Variants in XIRP2 observed in about 807,000 individuals in gnomAD.
XIRP2 encodes xin actin-binding repeat-containing protein 2.
In XIRP2, 236 loss-of-function variants were observed where a neutral mutation model predicts 277.0. The ratio of observed to expected loss-of-function variants is 0.85; its 90% CI spans 0.77 to 0.95. XIRP2 has a LOEUF of 0.95. Among genes scored for constraint, XIRP2 ranks in the 40% least tolerant of loss-of-function variants. The pLI is 0.00. For missense variants in XIRP2, 4,640 were observed against 4,157.5 expected (o/e 1.12, Z -3.19); for synonymous variants, 1,490 against 1,416.5 (o/e 1.05, Z -1.17).
chr2:167,188,741 T>G (rs1693237407), intron 3 of XIRP2, among the ~76,000 whole-genome samples: 1 of 152,224 alleles, frequency 6.6e-6, no homozygotes, highest in African/African-American at 2.4e-5. Context: ...TAAAAGTCAG[T>G]CCGCATTTCA....
chr2:167,230,991 C>G (rs1694731884), intron 5 of XIRP2, among the ~76,000 whole-genome samples: 1 of 152,064 alleles, frequency 6.6e-6, no homozygotes, highest in South Asian at 2.1e-4. Flanking sequence ...CCTAGTTGCT[C>G]GTAGATACAT....
At chr2:166,972,163 C>T (rs916756545) in intron 2 of XIRP2, among the ~76,000 whole-genome samples, 2 of 152,060 alleles carry the variant, frequency 1.3e-5, no homozygotes, top group Non-Finnish European at 2.9e-5. Flanking sequence ...TGTGAGAATA[C>T]ATACAGCAAG....
intron 2 of XIRP2, among the ~76,000 whole-genome samples, chr2:166,919,784 G>T (rs1306476971): frequency 6.6e-6 from 1 of 151,898 alleles, no homozygotes; most frequent in African/African-American, 2.4e-5. Flanking sequence ...GCTCCACAGA[G>T]AAATTTTCTT....
chr2:167,075,379 C>T (rs7575646), intron 2 of XIRP2, among the ~76,000 whole-genome samples: 27,552 of 151,982 alleles, frequency 0.18, 4,830 homozygotes, highest in African/African-American at 0.46. Context: ...AAAATGGGGT[C>T]GCCATTTGCT....
intron 2 of XIRP2, among the ~76,000 whole-genome samples, chr2:167,092,068 G>C (rs1413184288): frequency 6.6e-6 from 1 of 152,098 alleles, no homozygotes; most frequent in African/African-American, 2.4e-5. Context: ...ACTTTCTAAT[G>C]CCTTAAGTAA....
In XIRP2 at chr2:167,259,569, T is replaced by C; in HGVS notation, c.*1752T>C. The C allele has an allele frequency of 2.0e-6, 1 of 500,854 alleles. No homozygotes were observed. Among genetic ancestry groups the C allele is most frequent in the Non-Finnish European group, 3.5e-6 (1 of 285,106 alleles). The allele number at this position is 500,854 out of a possible 1,614,324, so 31.0% of individuals were successfully genotyped here. ...TATTTACATCTACTTTTGTTTGAAC[T>C]GGAATGAAGAGATGAAACACTATGG... On this transcript the variant is annotated 3_prime_UTR_variant, in exon 11 of 11. Coordinates refer to ENST00000409195, the MANE Select transcript of XIRP2 (RefSeq NM_152381.6).
At chr2:167,148,870 AT>A (rs1243275634) in intron 3 of XIRP2, among the ~76,000 whole-genome samples, 1 of 152,144 alleles carries the variant, frequency 6.6e-6, no homozygotes, top group Non-Finnish European at 1.5e-5. Flanking sequence ...TGAAAGTACA[AT>A]TTTAGGGAGG....
chr2:167,099,205 A>G (rs978235754), intron 2 of XIRP2, among the ~76,000 whole-genome samples: 1 of 152,126 alleles, frequency 6.6e-6, no homozygotes, highest in Non-Finnish European at 1.5e-5. Flanking sequence ...TGCCCTGCCC[A>G]GAAAGGAGGA....
chr2:167,060,623 C>T (rs1240707244), intron 2 of XIRP2, among the ~76,000 whole-genome samples: 1 of 152,108 alleles, frequency 6.6e-6, no homozygotes, highest in Non-Finnish European at 1.5e-5. Flanking sequence ...TTCCTTGGAA[C>T]TTTTCAAAAA....
intron 2 of XIRP2, among the ~76,000 whole-genome samples, chr2:166,970,447 T>C (rs913508384): frequency 6.6e-6 from 1 of 152,040 alleles, no homozygotes; most frequent in Non-Finnish European, 1.5e-5. Flanking sequence ...ATGAGTTTTG[T>C]TGTTGCACTA....
chr2:166,951,622 TA>T, intron 2 of XIRP2, among the ~76,000 whole-genome samples: 1 of 152,184 alleles, frequency 6.6e-6, no homozygotes, highest in East Asian at 1.9e-4. Flanking sequence ...ATGCATTGAA[TA>T]TTTTTTTTGA....
At chr2:167,210,585 G>T in intron 3 of XIRP2, 150 bp from the exon 4 acceptor site, 2 of 1,111,350 alleles carry the variant, frequency 1.8e-6, no homozygotes, top group South Asian at 3.2e-5. Flanking sequence ...AAGCTTGAAG[G>T]AGATGACCAT....
At chr2:166,913,050 C>T (rs1211289978) in intron 2 of XIRP2, among the ~76,000 whole-genome samples, 1 of 152,218 alleles carries the variant, frequency 6.6e-6, no homozygotes, top group Non-Finnish European at 1.5e-5. Context: ...ACTCAGGGGT[C>T]AGGGACCCAC....
chr2:167,029,814 G>A lies in XIRP2; in HGVS notation c.409-106095G>A, dbSNP rs113915737. Among the ~76,000 whole-genome samples, 973 of 152,136 alleles carry A rather than the reference G, an allele frequency of 6.4e-3. 12 individuals are homozygous for A. The highest frequency in any genetic ancestry group is 0.022 in the African/African-American group (916 of 41,514). On this transcript the variant is annotated intron_variant, in intron 2 of 10. Transcript: ENST00000409195. ...CCTCTTTGTACCTCTGGTAGAATTC[G>A]GCTGTGAATCTGTCTGGTCCTGGGC...
intron 3 of XIRP2, among the ~76,000 whole-genome samples, chr2:167,162,645 C>T (rs565376502): frequency 6.6e-6 from 1 of 152,262 alleles, no homozygotes; most frequent in East Asian, 1.9e-4. Flanking sequence ...ACAGCCAAAC[C>T]ATATCAACCA....
At chr2:166,987,500 T>C (rs1440744846) in intron 2 of XIRP2, among the ~76,000 whole-genome samples, 8 of 152,178 alleles carry the variant, frequency 5.3e-5, no homozygotes, top group Non-Finnish European at 1.2e-4. Context: ...GAAAACATTA[T>C]AAATAATAAT....
chr2:167,243,712 T>A lies in XIRP2; in HGVS notation c.2320T>A (p.Phe774Ile), dbSNP rs1398720080. The change falls in exon 9 of 11, where the codon TTT becomes ATT. Residue 774 changes from phenylalanine to isoleucine, a missense_variant. Phe to Ile is a conservative substitution (Grantham distance 21). Coordinates refer to ENST00000409195, the MANE Select transcript of XIRP2 (RefSeq NM_152381.6). The stretch of plus-strand genomic sequence containing the variant: ...AGATGTAAGAACAGCACGGTGGATG[T>A]TTGAAACACAGCCGTTGGACACAAT... ...KGDVRTARWM[F>I]ETQPLDTINK... 1.2e-6 allele frequency: 2 copies of A among 1,613,900 alleles called. No homozygotes were observed. The highest frequency in any genetic ancestry group is 1.7e-6 in the Non-Finnish European group (2 of 1,179,980).
At chr2:167,136,612 C>T (rs576293527) in intron 3 of XIRP2, among the ~76,000 whole-genome samples, 6 of 152,198 alleles carry the variant, frequency 3.9e-5, no homozygotes, top group South Asian at 4.1e-4. Flanking sequence ...GTTAATAGCT[C>T]GTATGTTAGA....
intron 2 of XIRP2, among the ~76,000 whole-genome samples, chr2:167,122,304 C>A (rs1448514254): frequency 6.6e-6 from 1 of 152,174 alleles, no homozygotes; most frequent in Admixed American, 6.6e-5. Flanking sequence ...AGAATTGTAG[C>A]TTTTCTGTGC....
Sources: gnomAD v4.1 joint callset for allele counts (sites outside exome capture counted in the v4.1 genomes callset) on GRCh38, gnomAD v4.1.1 for gene constraint, MANE v1.5 for transcripts, NCBI Gene and HGNC (gene_info 2026-07-23, HGNC 2026-07-21) for gene names.